Variants in PLCL1 observed in about 807,000 individuals in gnomAD.
PLCL1 encodes phospholipase C like 1 (inactive), also known as inactive phospholipase C-like protein 1.
A neutral mutation model predicts 84.4 loss-of-function variants in PLCL1; 41 were observed. The observed-to-expected ratio is 0.49, with a 90% CI of 0.38 to 0.63. The LOEUF is 0.63. Ranked by LOEUF, PLCL1 falls within the 30% of genes least tolerant of loss-of-function variation. The probability of loss-of-function intolerance (pLI) is 0.00; values close to 1 mark genes in which losing one functional copy is unlikely to be tolerated. For missense variants in PLCL1, 1,206 were observed against 1,367.8 expected (o/e 0.88, Z 1.87); for synonymous variants, 490 against 488.3 (o/e 1.00, Z -0.05).
At chr2:198,073,851 G>A (rs1692518176) in intron 1 of PLCL1, among the ~76,000 whole-genome samples, 1 of 152,142 alleles carries the variant, frequency 6.6e-6, no homozygotes, top group Non-Finnish European at 1.5e-5. Context: ...TCCAAATCTA[G>A]AGAAAGATCA....
intron 5 of PLCL1, among the ~76,000 whole-genome samples, chr2:198,141,167 G>A (rs1215648696): frequency 6.6e-6 from 1 of 152,108 alleles, no homozygotes; most frequent in African/African-American, 2.4e-5. Context: ...AGTGTTCATG[G>A]AGTAAAAATT....
intron 1 of PLCL1, among the ~76,000 whole-genome samples, chr2:198,052,459 C>T (rs1691958810): frequency 6.6e-6 from 1 of 151,084 alleles, no homozygotes; most frequent in South Asian, 2.1e-4. Flanking sequence ...CTTTGGTGGT[C>T]TCTGGCAGTG....
chr2:198,119,506 G>A (rs927118933), intron 5 of PLCL1, among the ~76,000 whole-genome samples: 3 of 151,794 alleles, frequency 2.0e-5, no homozygotes, highest in South Asian at 4.2e-4. Flanking sequence ...CCATGCCTTC[G>A]CACTGCTGTT....
intron 1 of PLCL1, among the ~76,000 whole-genome samples, chr2:198,021,997 C>A (rs1691143629): frequency 6.6e-6 from 1 of 152,164 alleles, no homozygotes. Context: ...AAAATACTGG[C>A]AAACTGAATC....
chr2:198,102,407 A>G lies in PLCL1; in HGVS notation c.2995+1047A>G, dbSNP rs373053295. Among the ~76,000 whole-genome samples, 3 of 152,128 alleles carry G rather than the reference A, an allele frequency of 2.0e-5. No homozygotes were observed. In the East Asian group the frequency reaches 5.8e-4, roughly 30 times the overall value. On this transcript the variant is annotated intron_variant, in intron 4 of 5. Transcript: ENST00000428675. ...AGTAAGTGGTAGAGCTGGGCTCCAC[A>G]CTCATGTTCTTTACTATGTGCTATG...
intron 1 of PLCL1, among the ~76,000 whole-genome samples, chr2:197,970,921 G>A (rs760731195): frequency 3.9e-5 from 6 of 152,078 alleles, no homozygotes; most frequent in South Asian, 2.1e-4. Context: ...TTGTAATTCC[G>A]TTAGCTAAAG....
intron 1 of PLCL1, among the ~76,000 whole-genome samples, chr2:197,900,719 T>C (rs1420552758): frequency 6.6e-6 from 1 of 152,244 alleles, no homozygotes; most frequent in South Asian, 2.1e-4. Flanking sequence ...AACTAATTAT[T>C]TATTGTATGT....
At chr2:198,077,302 T>C (rs1231762833) in intron 1 of PLCL1, among the ~76,000 whole-genome samples, 1 of 152,138 alleles carries the variant, frequency 6.6e-6, no homozygotes, top group South Asian at 2.1e-4. Flanking sequence ...ACCTGCACGT[T>C]GTGCACATGT....
intron 1 of PLCL1, among the ~76,000 whole-genome samples, chr2:197,876,501 G>T (rs1159923582): frequency 6.7e-6 from 1 of 149,862 alleles, no homozygotes; most frequent in Non-Finnish European, 1.5e-5. Context: ...TTTTTTTTTT[G>T]AAATTTAAAG....
intron 1 of PLCL1, among the ~76,000 whole-genome samples, chr2:197,973,198 G>T (rs1213325981): frequency 1.3e-5 from 2 of 152,194 alleles, no homozygotes; most frequent in Admixed American, 1.3e-4. Flanking sequence ...GTGCATGGAG[G>T]TATGAACTAA....
In PLCL1 at chr2:197,889,905, A is replaced by G. The variant is rs74904881; in HGVS notation, c.240+84566A>G. ...AAAGTTGCTTGTAGGTTTCTTATAT[A>G]GTATAAGAAAAAAGACTAGAGATAT... On this transcript the variant is annotated intron_variant, in intron 1 of 5. Transcript: ENST00000428675. Among the ~76,000 whole-genome samples, 1,066 of 152,316 alleles carry G rather than the reference A, an allele frequency of 7.0e-3. 12 individuals carry two copies. Among genetic ancestry groups the G allele is most frequent in the African/African-American group, 0.025 (1,025 of 41,554 alleles).
At chr2:197,972,022 C>A (rs1362278220) in intron 1 of PLCL1, among the ~76,000 whole-genome samples, 3 of 152,152 alleles carry the variant, frequency 2.0e-5, no homozygotes, top group African/African-American at 4.8e-5. Flanking sequence ...TGTTTATAGG[C>A]CTAGTATCCT....
chr2:197,890,588 C>T (rs1687995143), intron 1 of PLCL1, among the ~76,000 whole-genome samples: 1 of 150,664 alleles, frequency 6.6e-6, no homozygotes, highest in South Asian at 2.1e-4. Context: ...TATTCATAAA[C>T]CTACCACCCA....
chr2:197,977,996 T>C (rs545900913), intron 1 of PLCL1, among the ~76,000 whole-genome samples: 2 of 152,344 alleles, frequency 1.3e-5, no homozygotes, highest in East Asian at 3.9e-4. Flanking sequence ...TTAAAAGCTT[T>C]CCTGGCCTCT....
At chr2:198,086,587 C>T (rs1692887063) in intron 2 of PLCL1, among the ~76,000 whole-genome samples, 2 of 152,252 alleles carry the variant, frequency 1.3e-5, no homozygotes, top group South Asian at 2.1e-4. Flanking sequence ...TACCAGTGCA[C>T]TCCAGTCTGG....
chr2:197,835,083 AG>A (rs1691156821), intron 1 of PLCL1, among the ~76,000 whole-genome samples: 1 of 152,216 alleles, frequency 6.6e-6, no homozygotes, highest in Non-Finnish European at 1.5e-5. Context: ...CTCACTCATA[AG>A]TGTGAGTTGA....
intron 1 of PLCL1, among the ~76,000 whole-genome samples, chr2:197,890,412 C>A (rs1266196605): frequency 1.3e-5 from 2 of 152,020 alleles, no homozygotes; most frequent in African/African-American, 2.4e-5. Flanking sequence ...TCACTGCCAA[C>A]CTTTGGAAAT....
intron 1 of PLCL1, among the ~76,000 whole-genome samples, chr2:198,033,952 GTTTTTATT>G (rs1214631463): frequency 6.6e-6 from 1 of 151,854 alleles, no homozygotes; most frequent in African/African-American, 2.4e-5. Context: ...ACACGTTTCT[GTTTTTATT>G]TTTTTATTTT....
chr2:198,066,718 C>G (rs940286145), intron 1 of PLCL1, among the ~76,000 whole-genome samples: 15 of 152,160 alleles, frequency 9.9e-5, no homozygotes, highest in African/African-American at 3.6e-4. Flanking sequence ...CCTCCCTCCT[C>G]TCCTATGCAT....
Sources: allele counts gnomAD v4.1 joint callset (sites outside exome capture counted in the v4.1 genomes callset), GRCh38; gene constraint gnomAD v4.1.1; transcripts MANE v1.5; gene names NCBI Gene and HGNC (gene_info 2026-07-23, HGNC 2026-07-21).